Variants in ECT2 observed in about 807,000 individuals in gnomAD.
ECT2 encodes the protein epithelial cell transforming 2, also known as protein ECT2.
In ECT2, 61 loss-of-function variants were observed where a neutral mutation model predicts 116.9. The observed-to-expected ratio is 0.52, with a 90% CI of 0.42 to 0.65. The LOEUF is 0.65. ECT2 is among the 30% of genes least tolerant of loss of function. ECT2 has a pLI of 0.00. For missense variants in ECT2, 937 were observed against 1,078.7 expected (o/e 0.87, Z 1.84); for synonymous variants, 358 against 346.4 (o/e 1.03, Z -0.37).
intron 22 of ECT2, among the ~76,000 whole-genome samples, chr3:172,812,184 G>A (rs1009459596): frequency 3.9e-5 from 6 of 152,104 alleles, no homozygotes; most frequent in Middle Eastern, 3.4e-3. Context: ...GGGTTTCACC[G>A]TGTTGGCCAG....
Position 172,815,727 on chromosome 3 carries a change from A to G in ECT2, c.2508+16A>G, listed in dbSNP as rs781042330. 8 of 1,448,706 alleles carry G rather than the reference A, an allele frequency of 5.5e-6. No homozygotes were observed. The South Asian group carries it at 9.7e-5, about 18-fold the overall frequency. 89.7% of individuals were successfully genotyped at this position (1,448,706 alleles called of 1,614,324 possible). A position where few individuals can be genotyped will look rare whatever the true frequency, so the allele number is the denominator to read the frequency against. Reference sequence around the variant, plus strand: ...TTCAAAAAAGGTGAGTTTTAGTGAAAGTATTATTTAGCACATCTCTAACAT... The same window carrying G: ...TTCAAAAAAGGTGAGTTTTAGTGAAGGTATTATTTAGCACATCTCTAACAT... On this transcript the variant is annotated intron_variant, in intron 23 of 24. Transcript: ENST00000392692.
intron 14 of ECT2, among the ~76,000 whole-genome samples, chr3:172,780,470 C>G (rs900391728): frequency 2.0e-5 from 3 of 152,096 alleles, no homozygotes; most frequent in African/African-American, 7.2e-5. Context: ...CTAGGAGTAG[C>G]ATTGATGAGC....
chr3:172,764,231 G>A, intron 11 of ECT2, 47 bp from the exon 12 acceptor site: 8 of 1,533,360 alleles, frequency 5.2e-6, no homozygotes, highest in Non-Finnish European at 7.2e-6. Flanking sequence ...TCCTGTCTCA[G>A]TAAAGAACCA....
At chr3:172,825,578 GAGA>G (rs751010383), downstream of ECT2, among the ~76,000 whole-genome samples, 1 of 152,190 alleles carries the variant, frequency 6.6e-6, no homozygotes, top group East Asian at 1.9e-4. Flanking sequence ...ATGGTCTAGA[GAGA>G]AGATCAAACT....
chr3:172,781,143 C>G (rs948991417), intron 14 of ECT2, among the ~76,000 whole-genome samples: 2 of 152,046 alleles, frequency 1.3e-5, no homozygotes, highest in Non-Finnish European at 2.9e-5. Context: ...TATTAATTCA[C>G]TTAAAATAAT....
At chr3:172,758,817 C>T (rs1249314225) in intron 5 of ECT2, among the ~76,000 whole-genome samples, 163 bp from the exon 6 acceptor site, 5 of 152,060 alleles carry the variant, frequency 3.3e-5, no homozygotes, top group South Asian at 2.1e-4. Context: ...TGCAATCTGT[C>T]GTTTTGCTGT....
At chr3:172,758,720 T>G (rs1182201462) in intron 5 of ECT2, among the ~76,000 whole-genome samples, 1 of 152,212 alleles carries the variant, frequency 6.6e-6, no homozygotes, top group Non-Finnish European at 1.5e-5. Context: ...CATTTAATAT[T>G]TGTTTAATTT....
At chr3:172,763,656 G>A (rs887179384) in intron 11 of ECT2, among the ~76,000 whole-genome samples, 3 of 152,216 alleles carry the variant, frequency 2.0e-5, no homozygotes, top group Non-Finnish European at 4.4e-5. Flanking sequence ...GGAAAATCTA[G>A]TGTTTATGGT....
intron 24 of ECT2, among the ~76,000 whole-genome samples, chr3:172,817,717 T>C (rs766600854): frequency 6.6e-6 from 1 of 152,134 alleles, no homozygotes; most frequent in Non-Finnish European, 1.5e-5. Context: ...GAGTGAAATA[T>C]CTGTTCTTTA....
At position 172,807,933 on chromosome 3, in the gene ECT2, T is replaced by C. The variant is rs1728076829; in HGVS notation, c.2400+9T>C. 6.2e-7 allele frequency: 1 copy of C among 1,611,144 alleles called. No homozygotes were observed. The highest frequency in any genetic ancestry group is 1.7e-5 in the Admixed American group (1 of 59,638). ...TTTGTAAAGCAGATGCTGTAAGTTCTTAAAACAGTATTATAATGAAAGTTT... is the reference window on the plus strand; with the variant it reads ...TTTGTAAAGCAGATGCTGTAAGTTCCTAAAACAGTATTATAATGAAAGTTT... On this transcript the variant is annotated intron_variant, in intron 22 of 24. Transcript: ENST00000392692.
intron 17 of ECT2, 120 bp from the exon 18 acceptor site, chr3:172,786,373 A>T (rs1051233664): frequency 5.7e-5 from 36 of 636,986 alleles, no homozygotes; most frequent in African/African-American, 1.3e-4. Flanking sequence ...AAAACTTTTT[A>T]AAAAATAAGG....
chr3:172,758,490 C>CACACACACAG (rs1553849025), intron 5 of ECT2, among the ~76,000 whole-genome samples: 2 of 147,586 alleles, frequency 1.4e-5, no homozygotes, highest in African/African-American at 2.5e-5. Context: ...CACACAGACA[C>CACACACACAG]ACACACACAC....
At chr3:172,758,907 T>C (rs1251798243) in intron 5 of ECT2, 73 bp from the exon 6 acceptor site, 1 of 1,273,368 alleles carries the variant, frequency 7.9e-7, no homozygotes, top group African/African-American at 1.5e-5. Flanking sequence ...ATGAAATATA[T>C]TTAGCTTGAG....
chr3:172,771,935 T>C (rs1431586625), intron 13 of ECT2, among the ~76,000 whole-genome samples: 1 of 152,242 alleles, frequency 6.6e-6, no homozygotes, highest in Non-Finnish European at 1.5e-5. Context: ...TTTGTTGAAA[T>C]AACTGTTCGT....
chr3:172,786,424 C>A, intron 17 of ECT2, 69 bp from the exon 18 acceptor site: 2 of 966,518 alleles, frequency 2.1e-6, no homozygotes, highest in Non-Finnish European at 3.2e-6. Flanking sequence ...TCAAGATGGA[C>A]AGCATTTTAG....
intron 17 of ECT2, among the ~76,000 whole-genome samples, chr3:172,786,227 G>A (rs990130125): frequency 6.6e-6 from 1 of 152,154 alleles, no homozygotes; most frequent in African/African-American, 2.4e-5. Context: ...AGGAATTTAG[G>A]AGTCCCCAAG....
chr3:172,826,822 T>C, the ECT2 span, among the ~76,000 whole-genome samples: 1 of 152,150 alleles, frequency 6.6e-6, no homozygotes, highest in Non-Finnish European at 1.5e-5. Context: ...AAAAGGCATC[T>C]TTACAGCAAA....
At chr3:172,802,249 G>T (rs1259663038) in intron 18 of ECT2, among the ~76,000 whole-genome samples, 1 of 152,044 alleles carries the variant, frequency 6.6e-6, no homozygotes, top group Non-Finnish European at 1.5e-5. Context: ...GAGTAGCTGG[G>T]ATTACAGGTG....
At chr3:172,800,578 A>T (rs1032133301) in intron 18 of ECT2, among the ~76,000 whole-genome samples, 1 of 152,082 alleles carries the variant, frequency 6.6e-6, no homozygotes, top group African/African-American at 2.4e-5. Context: ...ATTTATCGTT[A>T]TATTTTATTT....
Sources: allele counts gnomAD v4.1 joint callset (sites outside exome capture counted in the v4.1 genomes callset), GRCh38; gene constraint gnomAD v4.1.1; transcripts MANE v1.5; gene names NCBI Gene and HGNC (gene_info 2026-07-23, HGNC 2026-07-21).